Variants in RANBP2 observed in about 807,000 individuals in gnomAD.
The protein encoded by RANBP2 is RAN binding protein 2.
A neutral mutation model predicts 303.6 loss-of-function variants in RANBP2; 57 were observed. The ratio of observed to expected loss-of-function variants is 0.19; its 90% confidence interval spans 0.15 to 0.23. RANBP2 has a LOEUF of 0.23. Ranked by LOEUF, RANBP2 falls within the 10% of genes least tolerant of loss-of-function variation. The pLI, the probability that RANBP2 is intolerant of heterozygous loss-of-function variation, is 1.00. For missense variants in RANBP2, 3,138 were observed against 3,780.8 expected, an observed-to-expected ratio of 0.83 and a Z score of 4.46; for synonymous variants, 1,167 against 1,301.5, an observed-to-expected ratio of 0.90 and a Z score of 2.23.
chr2:109,544,000 GA>G, the RANBP2 span: 1 of 695,764 alleles, frequency 1.4e-6, no homozygotes, highest in African/African-American at 1.8e-5. Context: ...TGAACCATCA[GA>G]AAGCAAAGGT....
At chr2:109,398,754 G>A in the RANBP2 span, 2 of 1,613,644 alleles carry the variant, frequency 1.2e-6, no homozygotes, top group Admixed American at 1.7e-5. Context: ...AGCGGCGTGT[G>A]GATGGCAAGA....
At chr2:109,637,937 G>A in the RANBP2 span, among the ~76,000 whole-genome samples, 117 of 152,244 alleles carry the variant, frequency 7.7e-4, 1 homozygote, top group African/African-American at 2.8e-3. Context: ...CAGTCTGGGT[G>A]ACAGAACAAG....
the RANBP2 span, among the ~76,000 whole-genome samples, chr2:108,869,125 T>C: frequency 6.6e-6 from 1 of 152,086 alleles, no homozygotes; most frequent in African/African-American, 2.4e-5. Context: ...GACTAGGATG[T>C]TGCAGGTGCT....
the RANBP2 span, among the ~76,000 whole-genome samples, chr2:109,488,476 C>A: frequency 2.0e-5 from 3 of 152,188 alleles, no homozygotes; most frequent in Non-Finnish European, 4.4e-5. Context: ...GCTGACGGGC[C>A]CAGCTGCAGG....
chr2:108,829,985 G>A, the RANBP2 span, among the ~76,000 whole-genome samples: 1 of 150,244 alleles, frequency 6.7e-6, no homozygotes, highest in Non-Finnish European at 1.5e-5. Flanking sequence ...TTTATAGCAA[G>A]ATTATATATA....
the RANBP2 span, among the ~76,000 whole-genome samples, chr2:109,362,086 CTTTTA>C: frequency 4.6e-5 from 7 of 151,678 alleles, no homozygotes; most frequent in African/African-American, 9.7e-5. Flanking sequence ...TCTTCTATTT[CTTTTA>C]TTTTATTTAT....
chr2:109,492,197 G>A, the RANBP2 span, among the ~76,000 whole-genome samples: 412 of 152,262 alleles, frequency 2.7e-3, 1 homozygote, highest in African/African-American at 9.6e-3. Context: ...TACAATTTTC[G>A]TAGGTCATGA....
chr2:109,434,701 G>T, the RANBP2 span, among the ~76,000 whole-genome samples: 1 of 152,154 alleles, frequency 6.6e-6, no homozygotes, highest in African/African-American at 2.4e-5. Flanking sequence ...TCTGCCCACG[G>T]TGTCATCCCA....
the RANBP2 span, among the ~76,000 whole-genome samples, chr2:109,499,558 G>A: frequency 3.3e-5 from 5 of 152,216 alleles, no homozygotes; most frequent in Non-Finnish European, 7.3e-5. Context: ...CCCCAGGGCA[G>A]AGGGAGGCCC....
At chr2:109,144,144 A>G in the RANBP2 span, among the ~76,000 whole-genome samples, 2 of 152,262 alleles carry the variant, frequency 1.3e-5, no homozygotes, top group Non-Finnish European at 2.9e-5. Context: ...GACCATAGTT[A>G]ACAATACTCG....
the RANBP2 span, among the ~76,000 whole-genome samples, chr2:109,379,410 C>A: frequency 6.6e-6 from 1 of 152,080 alleles, no homozygotes. Flanking sequence ...TCCCGTGGTC[C>A]CACTCTCCAG....
At chr2:108,788,964 T>G, downstream of RANBP2, 1 of 1,613,974 alleles carries the variant, frequency 6.2e-7, no homozygotes, top group Non-Finnish European at 8.5e-7. Flanking sequence ...TAAATGTGAA[T>G]TGGTAAAGTA....
At chr2:109,145,589 C>T in the RANBP2 span, among the ~76,000 whole-genome samples, 1 of 152,250 alleles carries the variant, frequency 6.6e-6, no homozygotes, top group Non-Finnish European at 1.5e-5. Flanking sequence ...CTGTTGCACG[C>T]ATGGTCGAGC....
chr2:109,084,958 C>T, the RANBP2 span, among the ~76,000 whole-genome samples: 2 of 152,204 alleles, frequency 1.3e-5, no homozygotes, highest in South Asian at 4.1e-4. Context: ...GAGTGAATCT[C>T]TGTTGATAAC....
the RANBP2 span, among the ~76,000 whole-genome samples, chr2:109,514,319 C>T: frequency 6.6e-6 from 1 of 152,156 alleles, no homozygotes; most frequent in South Asian, 2.1e-4. Context: ...CAGAAAACCA[C>T]GTTATAAAAC....
At chr2:108,932,897 G>A in the RANBP2 span, among the ~76,000 whole-genome samples, 2 of 152,196 alleles carry the variant, frequency 1.3e-5, no homozygotes, top group African/African-American at 2.4e-5. Flanking sequence ...GGCTGCTAGG[G>A]AGCTTCCAGT....
chr2:109,496,283 G>C, the RANBP2 span, among the ~76,000 whole-genome samples: 4 of 152,230 alleles, frequency 2.6e-5, no homozygotes, highest in African/African-American at 9.6e-5. Context: ...GCTAGCTACA[G>C]AGCGCTGATT....
At chr2:109,507,763 T>C in the RANBP2 span, among the ~76,000 whole-genome samples, 1 of 152,102 alleles carries the variant, frequency 6.6e-6, no homozygotes, top group Non-Finnish European at 1.5e-5. Context: ...AAAAACCAAC[T>C]GGAATAAGTC....
At chr2:109,523,321 G>A in the RANBP2 span, among the ~76,000 whole-genome samples, 2 of 152,266 alleles carry the variant, frequency 1.3e-5, no homozygotes, top group Non-Finnish European at 1.5e-5. Context: ...GGAAGGCCTT[G>A]GAGAGCTGTC....
Sources: allele counts gnomAD v4.1 joint callset (sites outside exome capture counted in the v4.1 genomes callset), GRCh38; gene constraint gnomAD v4.1.1; transcripts MANE v1.5; gene names NCBI Gene and HGNC (gene_info 2026-07-23, HGNC 2026-07-21).